The following DOCK2 variants were observed in gnomAD, a reference collection of about 807,000 sequenced individuals.
DOCK2 encodes the protein dedicator of cytokinesis 2.
Under a neutral mutation model 248.9 loss-of-function variants are expected in DOCK2, and 87 were observed. The observed-to-expected ratio is 0.35, with a 90% CI of 0.29 to 0.42. The LOEUF (loss-of-function observed/expected upper bound fraction) is 0.42, where lower values mean the gene tolerates loss of function less well. Ranked by LOEUF, DOCK2 falls within the 10% of genes least tolerant of loss-of-function variation. The pLI is 1.00. For synonymous variants in DOCK2, 805 were observed against 821.6 expected (o/e 0.98, Z 0.35); for missense variants, 1,747 against 2,300.2 (o/e 0.76, Z 4.92).
At chr5:169,717,171 A>G (rs186608508) in intron 20 of DOCK2, among the ~76,000 whole-genome samples, 36 of 152,320 alleles carry the variant, frequency 2.4e-4, no homozygotes, top group African/African-American at 7.7e-4. Flanking sequence ...AACCTATTTG[A>G]CCATGAAATC....
At chr5:169,693,643 G>A (rs939621721) in intron 9 of DOCK2, among the ~76,000 whole-genome samples, 1 of 152,172 alleles carries the variant, frequency 6.6e-6, no homozygotes, top group Non-Finnish European at 1.5e-5. Flanking sequence ...AAGAAGGCAA[G>A]GGATGCAGAT....
intron 27 of DOCK2, among the ~76,000 whole-genome samples, chr5:169,844,231 A>G (rs1434086999): frequency 6.6e-6 from 1 of 152,228 alleles, no homozygotes; most frequent in African/African-American, 2.4e-5. Flanking sequence ...AATGACTTGG[A>G]TGAGTCCAGC....
At chr5:169,934,819 T>C in intron 27 of DOCK2, 1 of 432,190 alleles carries the variant, frequency 2.3e-6, no homozygotes, top group Non-Finnish European at 4.7e-6. Flanking sequence ...GATAAATTGA[T>C]TGTAGTGTCA....
At chr5:170,014,483 T>C (rs11954511) in intron 32 of DOCK2, among the ~76,000 whole-genome samples, 31,432 of 151,900 alleles carry the variant, frequency 0.21, 4,116 homozygotes, top group African/African-American at 0.37. Flanking sequence ...TGTTTTCCTT[T>C]TTTGGGTATC....
intron 27 of DOCK2, among the ~76,000 whole-genome samples, chr5:169,888,085 A>G (rs1208696597): frequency 6.6e-6 from 1 of 152,266 alleles, no homozygotes; most frequent in Non-Finnish European, 1.5e-5. Context: ...ACGAATGTGG[A>G]AACTCTCGTA....
intron 44 of DOCK2, among the ~76,000 whole-genome samples, chr5:170,062,134 A>T (rs1178677330): frequency 2.7e-5 from 4 of 146,200 alleles, no homozygotes; most frequent in African/African-American, 1.1e-4. Flanking sequence ...TGTGTGAGAG[A>T]GAGAGAGAGA....
intron 29 of DOCK2, among the ~76,000 whole-genome samples, chr5:169,994,305 A>C (rs1778280821): frequency 2.6e-5 from 4 of 152,198 alleles, no homozygotes; most frequent in African/African-American, 9.7e-5. Flanking sequence ...GAAGAGTAGA[A>C]TCTACCAAAG....
chr5:169,847,239 G>T (rs1304381475), intron 27 of DOCK2, among the ~76,000 whole-genome samples: 1 of 152,186 alleles, frequency 6.6e-6, no homozygotes, highest in African/African-American at 2.4e-5. Flanking sequence ...TTGAATGGTA[G>T]ATCTACTTTT....
intron 27 of DOCK2, among the ~76,000 whole-genome samples, chr5:169,968,966 T>G (rs1374746402): frequency 1.3e-5 from 2 of 152,130 alleles, no homozygotes; most frequent in Non-Finnish European, 2.9e-5. Flanking sequence ...CTGGATAACA[T>G]GGTGATACCA....
chr5:169,657,567 G>A (rs1758192337), intron 2 of DOCK2, among the ~76,000 whole-genome samples: 2 of 152,200 alleles, frequency 1.3e-5, no homozygotes, highest in South Asian at 2.1e-4. Flanking sequence ...GGAATTTCTT[G>A]TAGAAGGGAC....
At chr5:170,047,711 G>A in intron 40 of DOCK2, 97 bp downstream of exon 40, 1 of 1,135,920 alleles carries the variant, frequency 8.8e-7, no homozygotes, top group Non-Finnish European at 1.3e-6. Flanking sequence ...GTGCTCAGAA[G>A]CGGTGCTCTT....
chr5:170,012,218 A>G (rs1755326784), intron 32 of DOCK2, among the ~76,000 whole-genome samples: 1 of 152,104 alleles, frequency 6.6e-6, no homozygotes, highest in Non-Finnish European at 1.5e-5. Flanking sequence ...TGAAATGACC[A>G]ACGATCTACG....
chr5:169,859,994 A>G (rs1771106570), intron 27 of DOCK2, among the ~76,000 whole-genome samples: 1 of 129,608 alleles, frequency 7.7e-6, no homozygotes, highest in African/African-American at 3.0e-5. Context: ...TTTTTGAGAC[A>G]GACTATTGCT....
chr5:169,947,516 C>T (rs995464800), intron 27 of DOCK2, among the ~76,000 whole-genome samples: 8 of 152,228 alleles, frequency 5.3e-5, no homozygotes, highest in Non-Finnish European at 1.0e-4. Flanking sequence ...GGCCACGCAA[C>T]TAATATCAGA....
Position 169,876,552 on chromosome 5 carries a change from AG to A in DOCK2, c.2799+35701del, listed in dbSNP as rs767044226. ...GGGCAATAATGTCTGATGGCCTGGA[AG>A]AACAAGGGTTTCAATGTCCTATGAA... On this transcript the variant is annotated intron_variant, in intron 27 of 51. Transcript: ENST00000520908. Among the ~76,000 whole-genome samples, 18 of 152,358 alleles carry A rather than the reference AG, an allele frequency of 1.2e-4. No homozygotes were observed. The East Asian group carries it at 1.9e-3, about 16-fold the overall frequency.
intron 33 of DOCK2, among the ~76,000 whole-genome samples, chr5:170,019,702 A>G (rs868549787): frequency 1.4e-4 from 21 of 152,294 alleles, no homozygotes; most frequent in Middle Eastern, 3.4e-3. Flanking sequence ...AACTTGGACA[A>G]TGAGGTCCAT....
At position 170,027,947 on chromosome 5, in the gene DOCK2, A is replaced by G. The variant is rs1284984597; in HGVS notation, c.3466A>G (p.Ile1156Val). The G allele has an allele frequency of 1.9e-6, 3 of 1,611,806 alleles. No homozygotes were observed. Among genetic ancestry groups the G allele is most frequent in the Non-Finnish European group, 2.5e-6 (3 of 1,178,780 alleles). Residue 1156 changes from isoleucine to valine, a missense_variant and splice_region_variant, in exon 34 of 52, where the codon ATC becomes GTC. By Grantham distance (29) the Ile-to-Val change is conservative. Coordinates refer to ENST00000520908, the MANE Select transcript of DOCK2 (RefSeq NM_004946.3). ...GCAGTACATGCAGCTCCTGGAGTCAATGTAAGTTCAGTGCCCTGTGTGTAG... is the reference window on the plus strand; with the variant it reads ...GCAGTACATGCAGCTCCTGGAGTCAGTGTAAGTTCAGTGCCCTGTGTGTAG... ...DEQYMQLLES[I>V]LMECAAEHPT...
chr5:170,056,432 A>G, intron 42 of DOCK2: 1 of 367,950 alleles, frequency 2.7e-6, no homozygotes, highest in Non-Finnish European at 4.9e-6. Flanking sequence ...AATTGCCTGG[A>G]TACTCTAGGG....
intron 27 of DOCK2, among the ~76,000 whole-genome samples, chr5:169,909,441 T>A (rs916989252): frequency 2.6e-5 from 4 of 152,148 alleles, no homozygotes; most frequent in African/African-American, 9.7e-5. Context: ...AAATCTAAGT[T>A]TTTTCTTTTT....
Sources: gnomAD v4.1 joint callset for allele counts (sites outside exome capture counted in the v4.1 genomes callset) on GRCh38, gnomAD v4.1.1 for gene constraint, MANE v1.5 for transcripts, NCBI Gene and HGNC (gene_info 2026-07-23, HGNC 2026-07-21) for gene names.